Variants in ACO2 observed in about 807,000 individuals in gnomAD.
The protein encoded by ACO2 is aconitate hydratase, mitochondrial.
In ACO2, 31 loss-of-function variants were observed where a neutral mutation model predicts 84.5. The ratio of observed to expected loss-of-function variants is 0.37; its 90% confidence interval spans 0.28 to 0.50. The LOEUF (loss-of-function observed/expected upper bound fraction) is 0.50, where lower values mean the gene tolerates loss of function less well. Ranked by LOEUF, ACO2 falls within the 20% of genes least tolerant of loss-of-function variation. The pLI is 0.97. For missense variants in ACO2, 685 were observed against 1,029.3 expected, an observed-to-expected ratio of 0.67 and a Z score of 4.58; for synonymous variants, 414 against 412.7, an observed-to-expected ratio of 1.00 and a Z score of -0.04.
chr22:41,510,796 A>G (rs2066427882), intron 3 of ACO2, among the ~76,000 whole-genome samples: 1 of 152,168 alleles, frequency 6.6e-6, no homozygotes, highest in Non-Finnish European at 1.5e-5. Context: ...TTCAGATTAT[A>G]GGCAGGATGG....
intron 6 of ACO2, among the ~76,000 whole-genome samples, chr22:41,516,612 C>G (rs1458854441): frequency 1.3e-5 from 2 of 152,220 alleles, no homozygotes; most frequent in African/African-American, 4.8e-5. Flanking sequence ...CCCATACCTC[C>G]GTCCTAGTGG....
In ACO2 at chr22:41,477,712, C is replaced by T. The variant is rs113802186; in HGVS notation, c.36+8530C>T. Among the ~76,000 whole-genome samples, 12 of 152,184 alleles carry T rather than the reference C, an allele frequency of 7.9e-5. 2 individuals carry two copies. The highest frequency in any genetic ancestry group is 2.6e-4 in the African/African-American group (11 of 41,542). ...TGAATATTCATTTCTGTCTCCAGCC[C>T]CTGCAGATGGCCCGCGGCATCCATC... On this transcript the variant is annotated intron_variant, in intron 1 of 17. Coordinates refer to ENST00000216254, the MANE Select transcript of ACO2 (RefSeq NM_001098.3).
At chr22:41,510,988 T>C (rs897397748) in intron 3 of ACO2, among the ~76,000 whole-genome samples, 1 of 152,056 alleles carries the variant, frequency 6.6e-6, no homozygotes, top group Non-Finnish European at 1.5e-5. Context: ...CAGCAAGTTA[T>C]TTCAAAAAAA....
At position 41,515,985 on chromosome 22, in the gene ACO2, T is replaced by C. The variant is rs756677145; in HGVS notation, c.835+68T>C. The C allele has an allele frequency of 1.9e-6, 3 of 1,558,714 alleles. No individual in the cohort carries two copies. The highest frequency in any genetic ancestry group is 1.2e-5 in the South Asian group (1 of 86,158). On this transcript the variant is annotated intron_variant, in intron 6 of 17. Transcript: ENST00000216254. The surrounding 1 kb of genome is among the most constrained non-coding windows in gnomAD (Gnocchi z 5.8). Reference sequence around the variant, plus strand: ...GGCCTGATGGGTCTCCAGTTGGGAGTAGAAGCGGTGAATGGCCTTCACTTG... The same window carrying C: ...GGCCTGATGGGTCTCCAGTTGGGAGCAGAAGCGGTGAATGGCCTTCACTTG...
rs2066647192 is a variant in ACO2 at position 41,528,329 on chromosome 22, C to G, written c.2209-150C>G. ...CCCTGTAGGTGCCACCTGGGTCTGA[C>G]CTGGGCCATCAGGCACAGACTGGCC... On this transcript the variant is annotated intron_variant, in intron 17 of 17. Transcript: ENST00000216254. 1.3e-5 allele frequency: 15 copies of G among 1,182,494 alleles called. No individual in the cohort carries two copies. In the East Asian group the frequency reaches 3.8e-4, roughly 30 times the overall value. The allele number at this position is 1,182,494 out of a possible 1,614,324, so 73.3% of individuals were successfully genotyped here.
intron 1 of ACO2, among the ~76,000 whole-genome samples, chr22:41,479,976 T>C (rs1050677684): frequency 6.6e-6 from 1 of 152,214 alleles, no homozygotes; most frequent in Non-Finnish European, 1.5e-5. Context: ...GGCTCCTTGC[T>C]CCCTTTCCAA....
At position 41,523,993 on chromosome 22, in the gene ACO2, G is replaced by A. The variant is rs758012718; in HGVS notation, c.1482+52G>A. On this transcript the variant is annotated intron_variant, in intron 12 of 17. Transcript: ENST00000216254. Reference sequence around the variant, plus strand: ...CTGGGATGGCCTCTGGGGGTCCCTGGCGGGTCAGAGGAGGAGGCAGAAGGA... The same window carrying A: ...CTGGGATGGCCTCTGGGGGTCCCTGACGGGTCAGAGGAGGAGGCAGAAGGA... 2.1e-5 allele frequency: 32 copies of A among 1,540,550 alleles called. No homozygotes were observed. The East Asian group carries it at 7.1e-4, about 34-fold the overall frequency.
chr22:41,491,986 A>G (rs1413596346), intron 1 of ACO2, among the ~76,000 whole-genome samples: 1 of 152,188 alleles, frequency 6.6e-6, no homozygotes, highest in East Asian at 1.9e-4. Flanking sequence ...AGGATCTAGA[A>G]GAAGTGATCC....
intron 2 of ACO2, among the ~76,000 whole-genome samples, chr22:41,505,438 AT>A (rs1885393999): frequency 6.6e-6 from 1 of 151,390 alleles, no homozygotes; most frequent in Admixed American, 6.6e-5. Context: ...AATAATAATA[AT>A]AATAATAATA....
intron 1 of ACO2, among the ~76,000 whole-genome samples, chr22:41,496,845 T>G (rs2146102909): frequency 6.6e-6 from 1 of 152,254 alleles, no homozygotes; most frequent in South Asian, 2.1e-4. Flanking sequence ...TTTCAGAATG[T>G]GGCCTGTTCT....
chr22:41,488,642 G>A (rs1247576531), intron 1 of ACO2, among the ~76,000 whole-genome samples: 1 of 152,232 alleles, frequency 6.6e-6, no homozygotes, highest in African/African-American at 2.4e-5. Flanking sequence ...CACACATGTA[G>A]CTCGTTGCTT....
At position 41,498,307 on chromosome 22, in the gene ACO2, A is replaced by G. The variant is rs141429741; in HGVS notation, c.37-1419A>G. The stretch of plus-strand genomic sequence containing the variant: ...AGCCTGGACAACAGAACAAGACACT[A>G]TCTCTTAAAAAAAAAAAATTAACTA... On this transcript the variant is annotated intron_variant, in intron 1 of 17. Coordinates refer to ENST00000216254, the MANE Select transcript of ACO2 (RefSeq NM_001098.3). Among the ~76,000 whole-genome samples, 6 of 152,164 alleles carry G rather than the reference A, an allele frequency of 3.9e-5. No homozygotes were observed. In the East Asian group the frequency reaches 1.2e-3, roughly 29 times the overall value.
chr22:41,490,220 G>C (rs2066262153), intron 1 of ACO2, among the ~76,000 whole-genome samples: 1 of 152,082 alleles, frequency 6.6e-6, no homozygotes, highest in Admixed American at 6.6e-5. Context: ...CTACTCAGTG[G>C]GGGGCTAAGG....
At chr22:41,480,520 A>G (rs2046988415) in intron 1 of ACO2, among the ~76,000 whole-genome samples, 1 of 152,052 alleles carries the variant, frequency 6.6e-6, no homozygotes, top group Admixed American at 6.6e-5. Context: ...ATAGTGGAAA[A>G]ACATCTGCCC....
At chr22:41,525,035 G>T in intron 13 of ACO2, 67 bp downstream of exon 13, 1 of 1,612,468 alleles carries the variant, frequency 6.2e-7, no homozygotes, top group Admixed American at 1.7e-5. Flanking sequence ...CAACCTCACA[G>T]CACCTCCTGT....
chr22:41,471,942 C>G (rs1373092761), intron 1 of ACO2, among the ~76,000 whole-genome samples: 1 of 152,204 alleles, frequency 6.6e-6, no homozygotes, highest in Non-Finnish European at 1.5e-5. Flanking sequence ...TACTCAACCT[C>G]TCTGCACCTG....
At chr22:41,503,841 G>A (rs536079412) in intron 2 of ACO2, among the ~76,000 whole-genome samples, 167 of 152,262 alleles carry the variant, frequency 1.1e-3, no homozygotes, top group African/African-American at 3.7e-3. Context: ...AGAATTCTGC[G>A]GCCCAAATAG....
intron 13 of ACO2, 44 bp downstream of exon 13, chr22:41,525,012 G>T: frequency 6.2e-7 from 1 of 1,613,846 alleles, no homozygotes; most frequent in Non-Finnish European, 8.5e-7. Context: ...GTGTGGCCAC[G>T]TCACTTCCTT....
At position 41,507,823 on chromosome 22, in the gene ACO2, T is replaced by C; in HGVS notation, c.206T>C (p.Ile69Thr). 1 of 1,614,168 alleles carries C rather than the reference T, an allele frequency of 6.2e-7. No individual in the cohort carries two copies. Among genetic ancestry groups the C allele is most frequent in the Non-Finnish European group, 8.5e-7 (1 of 1,180,028 alleles). The change falls in exon 3 of 18, where the codon ATT becomes ACT. Residue 69 changes from isoleucine to threonine, a missense_variant. Ile to Thr is a moderately conservative substitution (Grantham distance 89, BLOSUM62 -1). Around this residue, in one of 5 missense-constraint regions of ACO2, gnomAD observed 98 missense variants for 107.6 expected, o/e 0.91. Coordinates refer to ENST00000216254, the MANE Select transcript of ACO2 (RefSeq NM_001098.3). ...CGGCCGCTGACACTCTCGGAGAAGA[T>C]TGTGTATGGACACCTGGATGACCCC... ...LNRPLTLSEK[I>T]VYGHLDDPAS... is the part of the protein sequence containing the mutation.
Sources: gnomAD v4.1 joint callset for allele counts (sites outside exome capture counted in the v4.1 genomes callset) on GRCh38, gnomAD v4.1.1 for gene constraint, gnomAD v4.1.1 regional missense constraint, Gnocchi (gnomAD v3.1) non-coding constraint, MANE v1.5 for transcripts, NCBI Gene and HGNC (gene_info 2026-07-23, HGNC 2026-07-21) for gene names.